The following VPS53 variants were observed in gnomAD, a reference collection of about 807,000 sequenced individuals.
VPS53 encodes the protein VPS53 subunit of GARP complex.
In VPS53, 70 loss-of-function variants were observed where a neutral mutation model predicts 107.0. The ratio of observed to expected loss-of-function variants is 0.65; its 90% CI spans 0.54 to 0.80. The LOEUF (loss-of-function observed/expected upper bound fraction) is 0.80, where lower values mean the gene tolerates loss of function less well. Among genes scored for constraint, VPS53 ranks in the 30% least tolerant of loss-of-function variants. The pLI, the probability that VPS53 is intolerant of heterozygous loss-of-function variation, is 0.00. For missense variants in VPS53, 917 were observed against 1,049.4 expected (o/e 0.87, Z 1.74); for synonymous variants, 409 against 393.3 (o/e 1.04, Z -0.47).
intron 4 of VPS53, among the ~76,000 whole-genome samples, chr17:678,726 C>A (rs1047801785): frequency 6.6e-6 from 1 of 151,830 alleles, no homozygotes; most frequent in Non-Finnish European, 1.5e-5. Flanking sequence ...GCAAGCTCCA[C>A]CCCCCGGGTT....
At chr17:541,155 A>C (rs1230740256) in intron 17 of VPS53, among the ~76,000 whole-genome samples, 1 of 152,202 alleles carries the variant, frequency 6.6e-6, no homozygotes. Flanking sequence ...GTTGGCCTCA[A>C]GCTGTAGACT....
At chr17:640,283 C>T (rs1444179352) in intron 7 of VPS53, among the ~76,000 whole-genome samples, 1 of 152,156 alleles carries the variant, frequency 6.6e-6, no homozygotes, top group Non-Finnish European at 1.5e-5. Context: ...ACCCAATTTT[C>T]CAGGTGCCGT....
chr17:651,844 G>A (rs764108028), intron 7 of VPS53, among the ~76,000 whole-genome samples: 3 of 152,010 alleles, frequency 2.0e-5, no homozygotes, highest in South Asian at 2.1e-4. Flanking sequence ...ACTCCTCCTC[G>A]TCCTCCCTTG....
chr17:551,810 C>T lies in VPS53; in HGVS notation c.1866+62G>A. ...GCCTGGAGAAGCTACAGACAAGGGC[C>T]AGTAGAAGCCACCTTGGGCTGCTCT... On this transcript the variant is annotated intron_variant, in intron 17 of 21. Transcript: ENST00000437048. 2.8e-6 allele frequency: 4 copies of T among 1,428,978 alleles called. No homozygotes were observed. In the South Asian group the frequency reaches 5.3e-5, roughly 19 times the overall value. 88.5% of individuals were successfully genotyped at this position (1,428,978 alleles called of 1,614,324 possible).
rs1567588484 is a variant in VPS53, at chr17:511,801, G to A, written c.*7327C>T. 2 of 152,238 alleles carry A rather than the reference G, an allele frequency of 1.3e-5. No individual in the cohort carries two copies. Among genetic ancestry groups the A allele is most frequent in the African/African-American group, 2.4e-5 (1 of 41,452 alleles). 9.4% of individuals were successfully genotyped at this position (152,238 alleles called of 1,614,324 possible). A position where few individuals can be genotyped will look rare whatever the true frequency, so the allele number is the denominator to read the frequency against. On this transcript the variant is annotated 3_prime_UTR_variant, in exon 22 of 22. Coordinates refer to ENST00000437048, the MANE Select transcript of VPS53 (RefSeq NM_001128159.3). ...TAAGTAAAAGGAAAAAAAAGAAAAA[G>A]AAAGGCAGGCAAGAATTTTTGTCCC... is the stretch of plus-strand genomic sequence containing the variant.
intron 4 of VPS53, among the ~76,000 whole-genome samples, chr17:662,751 G>GAGAAAGAAAGAAAGAA (rs148578494): frequency 0.02 from 1,613 of 80,132 alleles, 139 homozygotes; most frequent in African/African-American, 0.025. Context: ...GACAAAGAAA[G>GAGAAAGAAAGAAAGAA]AGAAAGAAAG....
intron 11 of VPS53, among the ~76,000 whole-genome samples, chr17:615,023 TCAG>T (rs931258722): frequency 5.9e-5 from 9 of 152,278 alleles, no homozygotes; most frequent in Non-Finnish European, 1.0e-4. Flanking sequence ...TTTTCTGCTT[TCAG>T]CAGAAGGCTG....
At chr17:591,574 T>C (rs1345586700) in intron 12 of VPS53, among the ~76,000 whole-genome samples, 2 of 152,208 alleles carry the variant, frequency 1.3e-5, no homozygotes, top group Non-Finnish European at 2.9e-5. Context: ...TTCTGGTATG[T>C]TGCGTCTTTG....
rs954977130 is a variant in VPS53 at position 520,422 on chromosome 17, A to T, written c.2224-492T>A. Among the ~76,000 whole-genome samples the T allele has an allele frequency of 1.3e-5, 2 of 152,166 alleles. No homozygotes were observed. The highest frequency in any genetic ancestry group is 2.9e-5 in the Non-Finnish European group (2 of 68,024). ...TTCCTGAGAAATGGGTGGCAAAAGG[A>T]GCTGGTATAAGTAAGTGGATTTCTG... On this transcript the variant is annotated intron_variant, in intron 20 of 21. Coordinates refer to ENST00000437048, the MANE Select transcript of VPS53 (RefSeq NM_001128159.3). This position sits in a 1 kb window ranked among gnomAD's most constrained non-coding sequence, Gnocchi z 4.4.
At chr17:634,608 A>C (rs999555492) in intron 7 of VPS53, among the ~76,000 whole-genome samples, 1 of 131,714 alleles carries the variant, frequency 7.6e-6, no homozygotes, top group African/African-American at 2.9e-5. Context: ...AAGTGTTCTC[A>C]TTGTTCAATT....
At chr17:686,281 T>A (rs1972583122) in intron 4 of VPS53, among the ~76,000 whole-genome samples, 1 of 151,760 alleles carries the variant, frequency 6.6e-6, no homozygotes, top group South Asian at 2.1e-4. Flanking sequence ...GATCCTGCCA[T>A]TACATTCCAG....
rs758003499 is a variant in VPS53 at position 623,504 on chromosome 17, A to G, written c.1116+29T>C. On this transcript the variant is annotated intron_variant, in intron 11 of 21. Coordinates refer to ENST00000437048, the MANE Select transcript of VPS53 (RefSeq NM_001128159.3). ...CCCAACCACCCAACCCACTGATTTC[A>G]CGTGGCAGCTCCCTAGGGAAGGTCT... 2.5e-6 allele frequency: 4 copies of G among 1,592,988 alleles called. No individual in the cohort carries two copies. The Admixed American group carries it at 6.8e-5, about 27-fold the overall frequency.
chr17:508,743 T>A lies in VPS53; in HGVS notation c.*10385A>T, dbSNP rs1246396413. On this transcript the variant is annotated 3_prime_UTR_variant, in exon 22 of 22. Transcript: ENST00000437048. Reference sequence around the variant, plus strand: ...GCTGTTTAAAACAAAACAAAATGGATACTATTTGAAAATTCTTAGCTGGAT... The same window carrying A: ...GCTGTTTAAAACAAAACAAAATGGAAACTATTTGAAAATTCTTAGCTGGAT... The A allele has an allele frequency of 2.6e-5, 4 of 152,196 alleles. No individual in the cohort carries two copies. The highest frequency in any genetic ancestry group is 2.9e-5 in the Non-Finnish European group (2 of 68,042). The allele number at this position is 152,196 out of a possible 1,614,324, so 9.4% of individuals were successfully genotyped here.
rs1012098334 is a variant in VPS53, at chr17:693,551, A to G, written c.285+3867T>C. Reference sequence around the variant, plus strand: ...AGCCCGGGCAACACAGCAAGAACCCATCTCTACCAAAAATAAAAAATTAAA... The same window carrying G: ...AGCCCGGGCAACACAGCAAGAACCCGTCTCTACCAAAAATAAAAAATTAAA... On this transcript the variant is annotated intron_variant, in intron 4 of 21. Transcript: ENST00000437048. 6.6e-5 allele frequency among the ~76,000 whole-genome samples: 10 copies of G among 152,112 alleles called. 1 individual carries two copies. Among genetic ancestry groups the G allele is most frequent in the Admixed American group, 2.0e-4 (3 of 15,264 alleles).
chr17:593,537 A>ATAAATGTTTTTG (rs1326421901), intron 12 of VPS53, among the ~76,000 whole-genome samples: 3 of 152,244 alleles, frequency 2.0e-5, no homozygotes, highest in Non-Finnish European at 4.4e-5. Context: ...ACATTTATGC[A>ATAAATGTTTTTG]GCCAAAAAAC....
intron 17 of VPS53, chr17:538,535 G>T (rs1265789841): frequency 6.6e-6 from 1 of 152,216 alleles, no homozygotes; most frequent in Non-Finnish European, 1.5e-5. Context: ...TTGTTTAAAA[G>T]AATCACATCG....
rs569497460 is a variant in VPS53 at position 518,261 on chromosome 17, G to C, written c.*867C>G. On this transcript the variant is annotated 3_prime_UTR_variant, in exon 22 of 22. Transcript: ENST00000437048. ...TCTCTTCGGCAAGCCCTGCTGCAGA[G>C]AGCCCGCGGTGGACAGGAAGGGCGG... is the stretch of plus-strand genomic sequence containing the variant. The C allele has an allele frequency of 7.0e-6, 1 of 143,250 alleles. No homozygotes were observed. The highest frequency in any genetic ancestry group is 6.9e-5 in the Admixed American group (1 of 14,514). 8.9% of individuals were successfully genotyped at this position (143,250 alleles called of 1,614,324 possible).
intron 7 of VPS53, among the ~76,000 whole-genome samples, chr17:643,382 C>T (rs1357390535): frequency 6.7e-6 from 1 of 149,454 alleles, no homozygotes; most frequent in Non-Finnish European, 1.5e-5. Flanking sequence ...AACACTCATA[C>T]TTGGCAACTG....
chr17:610,022 C>T (rs796622227), intron 11 of VPS53, among the ~76,000 whole-genome samples: 14 of 151,820 alleles, frequency 9.2e-5, no homozygotes, highest in African/African-American at 2.9e-4. Flanking sequence ...GTCCCAGCTA[C>T]GCGGAGGCTG....
Sources: allele counts gnomAD v4.1 joint callset (sites outside exome capture counted in the v4.1 genomes callset), GRCh38; gene constraint gnomAD v4.1.1; non-coding constraint Gnocchi (gnomAD v3.1); transcripts MANE v1.5; gene names NCBI Gene and HGNC (gene_info 2026-07-23, HGNC 2026-07-21).